Variants in CPVL observed in about 807,000 individuals in gnomAD.
CPVL encodes probable serine carboxypeptidase CPVL.
CPVL carries 51 observed loss-of-function variants against 63.7 expected under a neutral mutation model. The ratio of observed to expected loss-of-function variants is 0.80; its 90% CI spans 0.64 to 1.01. The LOEUF is 1.01. Among genes scored for constraint, CPVL ranks in the 50% least tolerant of loss-of-function variants. CPVL has a pLI of 0.00. For synonymous variants in CPVL, 195 were observed against 206.0 expected (o/e 0.95, Z 0.46); for missense variants, 530 against 573.1 (o/e 0.92, Z 0.77).
At chr7:29,060,180 A>G (rs915437575) in intron 11 of CPVL, among the ~76,000 whole-genome samples, 2 of 117,582 alleles carry the variant, frequency 1.7e-5, no homozygotes, top group Admixed American at 9.4e-5. Flanking sequence ...ATATATAAAT[A>G]AGCACCTTCT....
intron 9 of CPVL, among the ~76,000 whole-genome samples, chr7:29,067,380 GA>G (rs1043918342): frequency 1.2e-4 from 18 of 152,212 alleles, no homozygotes; most frequent in African/African-American, 4.1e-4. Context: ...GACACAGTTG[GA>G]AGTGGTCAGA....
At chr7:29,090,427 CTT>C (rs972402280) in intron 6 of CPVL, among the ~76,000 whole-genome samples, 2 of 152,210 alleles carry the variant, frequency 1.3e-5, no homozygotes, top group African/African-American at 4.8e-5. Context: ...TGCTATGAAG[CTT>C]TGTTTAGCAA....
chr7:29,047,095 C>T (rs1038515325), intron 11 of CPVL, among the ~76,000 whole-genome samples: 2 of 152,188 alleles, frequency 1.3e-5, no homozygotes, highest in Admixed American at 1.3e-4. Flanking sequence ...TCCTTCCCTT[C>T]CTTCTTTCCA....
Position 29,120,149 on chromosome 7 carries a change from C to T in CPVL, c.169+744G>A, listed in dbSNP as rs535134591. Among the ~76,000 whole-genome samples, 5 of 152,272 alleles carry T rather than the reference C, an allele frequency of 3.3e-5. No individual in the cohort carries two copies. In the East Asian group the frequency reaches 9.7e-4, roughly 29 times the overall value. ...ATTAATATTTGACATAGGCTGGGTG[C>T]GGTGGCTCATGCCTATAATCCCAGC... On this transcript the variant is annotated intron_variant, in intron 2 of 12. Transcript: ENST00000265394.
rs10568146 is a variant in CPVL at position 29,103,180 on chromosome 7, TGGGGGG to T, written c.289-6969_289-6964del. Among the ~76,000 whole-genome samples, 11 of 56,152 alleles carry T rather than the reference TGGGGGG, an allele frequency of 2.0e-4. 2 individuals are homozygous for T. Among genetic ancestry groups the T allele is most frequent in the Admixed American group, 3.5e-4 (1 of 2,894 alleles). 36.8% of individuals were successfully genotyped at this position (56,152 alleles called of 152,430 possible). On this transcript the variant is annotated intron_variant, in intron 3 of 12. Transcript: ENST00000265394. ...TCACTGAAACAGTAAGTTAATATAC[TGGGGGG>T]GGGGGGGGGGTGCTAAAAACTTGCC...
At chr7:29,080,785 C>A (rs573057197) in intron 7 of CPVL, among the ~76,000 whole-genome samples, 1 of 152,190 alleles carries the variant, frequency 6.6e-6, no homozygotes. Context: ...GTACTTCCAA[C>A]AGGGACTTCA....
At chr7:29,056,343 A>G (rs1218446015) in intron 11 of CPVL, among the ~76,000 whole-genome samples, 3 of 152,162 alleles carry the variant, frequency 2.0e-5, no homozygotes, top group African/African-American at 7.2e-5. Flanking sequence ...TGCTCTGCCT[A>G]TTGATCCCTC....
At chr7:29,009,548 TG>T (rs1359119442) in intron 12 of CPVL, 2 of 152,150 alleles carry the variant, frequency 1.3e-5, no homozygotes, top group Non-Finnish European at 2.9e-5. Context: ...TGAAATACTA[TG>T]CAGCAATGAA....
chr7:29,112,672 G>T, intron 3 of CPVL, 32 bp downstream of exon 3: 1 of 1,452,286 alleles, frequency 6.9e-7, no homozygotes, highest in South Asian at 1.1e-5. Flanking sequence ...GCCAGGTCTT[G>T]AACACTGGTG....
At chr7:29,143,075 C>G (rs997678588) in intron 1 of CPVL, among the ~76,000 whole-genome samples, 4 of 152,194 alleles carry the variant, frequency 2.6e-5, no homozygotes, top group Non-Finnish European at 5.9e-5. Context: ...ACACAAGGCA[C>G]TCCATTCCTC....
chr7:29,048,108 C>T (rs982176187), intron 11 of CPVL, among the ~76,000 whole-genome samples: 5 of 152,130 alleles, frequency 3.3e-5, no homozygotes, highest in Admixed American at 6.5e-5. Context: ...ATAAATCACA[C>T]GGGACCTATA....
chr7:29,128,553 T>G (rs1387439136), intron 1 of CPVL, among the ~76,000 whole-genome samples: 2 of 151,504 alleles, frequency 1.3e-5, no homozygotes, highest in Non-Finnish European at 2.9e-5. Flanking sequence ...CTGTCTCTAT[T>G]AAAAATACAA....
intron 1 of CPVL, chr7:29,193,739 A>G (rs1188393823): frequency 6.6e-6 from 1 of 152,214 alleles, no homozygotes; most frequent in Admixed American, 6.5e-5. Flanking sequence ...CCTATCCTGA[A>G]AGGGCACAGT....
chr7:29,019,789 C>G (rs1274453806), intron 12 of CPVL, among the ~76,000 whole-genome samples: 1 of 152,196 alleles, frequency 6.6e-6, no homozygotes, highest in East Asian at 1.9e-4. Flanking sequence ...CTCCTCATAA[C>G]CCTCATCTCC....
intron 7 of CPVL, among the ~76,000 whole-genome samples, chr7:29,077,292 G>A (rs771610787): frequency 3.0e-4 from 42 of 140,568 alleles, no homozygotes; most frequent in Non-Finnish European, 4.8e-4. Context: ...TTTCTCTGAA[G>A]TTTAGTAGAA....
At chr7:29,190,437 G>A (rs1296428850) in intron 1 of CPVL, among the ~76,000 whole-genome samples, 1 of 152,160 alleles carries the variant, frequency 6.6e-6, no homozygotes, top group East Asian at 1.9e-4. Flanking sequence ...TGCAGTGAGG[G>A]AGCACAGCTC....
intron 5 of CPVL, among the ~76,000 whole-genome samples, chr7:29,162,836 CAG>C (rs1440595681): frequency 1.3e-5 from 2 of 152,252 alleles, no homozygotes; most frequent in East Asian, 1.9e-4. Flanking sequence ...CTAACTATAA[CAG>C]AGCAGCACTA....
At position 29,095,143 on chromosome 7, in the gene CPVL, C is replaced by T; in HGVS notation, c.404-1G>A. ...GTCCAGGGGAAGTCTCTGTCACGCA[C>T]TGTGAAAACAAAGAAGAGGGGTGAG... On this transcript the variant is annotated splice_acceptor_variant, in intron 4 of 12. Coordinates refer to ENST00000265394, the MANE Select transcript of CPVL (RefSeq NM_031311.5). LOFTEE classifies it high-confidence loss of function. The T allele has an allele frequency of 6.2e-7, 1 of 1,613,422 alleles. No individual in the cohort carries two copies. The highest frequency in any genetic ancestry group is 8.5e-7 in the Non-Finnish European group (1 of 1,179,472).
At chr7:29,061,841 G>C (rs1791315060) in intron 11 of CPVL, among the ~76,000 whole-genome samples, 1 of 151,822 alleles carries the variant, frequency 6.6e-6, no homozygotes, top group Non-Finnish European at 1.5e-5. Flanking sequence ...AGCTACTTGA[G>C]AGGCTGAGGC....
Sources: allele counts gnomAD v4.1 joint callset (sites outside exome capture counted in the v4.1 genomes callset), GRCh38; gene constraint gnomAD v4.1.1; transcripts MANE v1.5; gene names NCBI Gene and HGNC (gene_info 2026-07-23, HGNC 2026-07-21).